The following GRHL1 variants were observed in gnomAD, a reference collection of about 807,000 sequenced individuals.
GRHL1 encodes grainyhead like transcription factor 1, also known as grainyhead-like protein 1 homolog.
In GRHL1, 38 loss-of-function variants were observed where a neutral mutation model predicts 75.7. The observed-to-expected ratio is 0.50, with a 90% confidence interval of 0.39 to 0.66. GRHL1 has a LOEUF of 0.66. Among genes scored for constraint, GRHL1 ranks in the 30% least tolerant of loss-of-function variants. The pLI is 0.00. For missense variants in GRHL1, 589 were observed against 767.5 expected (o/e 0.77, Z 2.75); for synonymous variants, 266 against 279.4 (o/e 0.95, Z 0.48).
intron 8 of GRHL1, among the ~76,000 whole-genome samples, chr2:9,976,476 A>G (rs1271231829): frequency 6.6e-6 from 1 of 152,064 alleles, no homozygotes; most frequent in Non-Finnish European, 1.5e-5. Flanking sequence ...TCTGTGGACC[A>G]AGGGTCTTGG....
chr2:9,965,200 A>G (rs574290821), intron 7 of GRHL1, 87 bp from the exon 8 acceptor site: 1 of 718,202 alleles, frequency 1.4e-6, no homozygotes, highest in South Asian at 1.6e-5. Flanking sequence ...ATAATGCTAA[A>G]AACTAGATCT....
intron 12 of GRHL1, 75 bp from the exon 13 acceptor site, chr2:9,995,804 C>A: frequency 1.3e-6 from 1 of 791,316 alleles, no homozygotes; most frequent in Non-Finnish European, 2.2e-6. Flanking sequence ...AGTTCCATGA[C>A]AGGCTCTAAA....
intron 6 of GRHL1, 93 bp downstream of exon 6, chr2:9,964,135 G>A: frequency 7.4e-7 from 1 of 1,345,556 alleles, no homozygotes; most frequent in Non-Finnish European, 1.0e-6. Context: ...GCCTGAAATT[G>A]CAGCTTTAAG....
At position 9,953,230 on chromosome 2, in the gene GRHL1, G is replaced by A. The variant is rs561760786; in HGVS notation, c.20+1377G>A. Among the ~76,000 whole-genome samples the A allele has an allele frequency of 3.3e-5, 5 of 152,340 alleles. No individual in the cohort carries two copies. In the South Asian group the frequency reaches 1.0e-3, roughly 32 times the overall value. On this transcript the variant is annotated intron_variant, in intron 1 of 15. Transcript: ENST00000324907. Reference sequence around the variant, plus strand: ...CTTGTACAAATTTGGGATGTGGGTGGGAGAAGAAGGGAAGTTGAAAACTAG... The same window carrying A: ...CTTGTACAAATTTGGGATGTGGGTGAGAGAAGAAGGGAAGTTGAAAACTAG...
intron 2 of GRHL1, among the ~76,000 whole-genome samples, chr2:9,955,441 C>T (rs188788578): frequency 1.4e-4 from 21 of 152,248 alleles, no homozygotes; most frequent in African/African-American, 5.1e-4. Flanking sequence ...GGTCATTTAC[C>T]TTTTCACCTT....
At chr2:9,978,471 G>A (rs1668046428) in intron 8 of GRHL1, among the ~76,000 whole-genome samples, 1 of 152,188 alleles carries the variant, frequency 6.6e-6, no homozygotes, top group South Asian at 2.1e-4. Flanking sequence ...TGCCTGTAAA[G>A]GAGATGTGAA....
intron 9 of GRHL1, 126 bp downstream of exon 9, chr2:9,986,408 AT>A: frequency 2.2e-6 from 1 of 449,504 alleles, no homozygotes; most frequent in Non-Finnish European, 3.7e-6. Flanking sequence ...TTTTAAAATT[AT>A]TTTTATTTAT....
At chr2:9,972,461 G>A (rs1558301135) in intron 8 of GRHL1, among the ~76,000 whole-genome samples, 3 of 152,094 alleles carry the variant, frequency 2.0e-5, no homozygotes, top group Admixed American at 6.5e-5. Flanking sequence ...ATTTCAAGGC[G>A]GCATGGGGGC....
intron 8 of GRHL1, among the ~76,000 whole-genome samples, chr2:9,983,787 TTTA>T (rs1668300632): frequency 6.9e-6 from 1 of 144,252 alleles, no homozygotes; most frequent in Admixed American, 6.7e-5. Context: ...TTTTTTTTTT[TTTA>T]AACCTGAATG....
intron 8 of GRHL1, among the ~76,000 whole-genome samples, chr2:9,970,702 G>C (rs954819378): frequency 6.6e-6 from 1 of 152,210 alleles, no homozygotes; most frequent in African/African-American, 2.4e-5. Flanking sequence ...CAAAATCAGA[G>C]CGCCTTGTTC....
rs1486540497 is a variant in GRHL1, at chr2:10,000,608, G to A, written c.1758G>A (p.Met586Ile). 3 of 1,610,614 alleles carry A rather than the reference G, an allele frequency of 1.9e-6. No homozygotes were observed. In the South Asian group the frequency reaches 3.3e-5, roughly 18 times the overall value. Residue 586 changes from methionine to isoleucine, a missense_variant, in exon 16 of 16, where the codon ATG becomes ATA. Met to Ile is a conservative substitution (Grantham distance 10, BLOSUM62 1). Transcript: ENST00000324907. ...CCCCATCCAGGATCCTGGTGAACAT[G>A]GACGACAACATTGTGAAGCATTACT... ...KKCKKGILVN[M>I]DDNIVKHYSN...
chr2:9,974,583 G>A (rs1481355557), intron 8 of GRHL1, among the ~76,000 whole-genome samples: 1 of 152,200 alleles, frequency 6.6e-6, no homozygotes, highest in Non-Finnish European at 1.5e-5. Context: ...CCAGAAGCCT[G>A]CTGTGGATCA....
intron 1 of GRHL1, among the ~76,000 whole-genome samples, chr2:9,952,107 CCTCCTCCG>C (rs149940396): frequency 0.25 from 38,506 of 151,612 alleles, 5,497 homozygotes; most frequent in African/African-American, 0.39. Context: ...ACCCTCCTCC[CCTCCTCCG>C]CGGCCAGGTT....
At chr2:9,959,366 G>A (rs1667169531) in intron 3 of GRHL1, 1 of 152,466 alleles carries the variant, frequency 6.6e-6, no homozygotes, top group African/African-American at 2.4e-5. Context: ...AAATTGTCTT[G>A]TGTTTTATTA....
chr2:9,977,090 CT>C (rs1667978979), intron 8 of GRHL1, among the ~76,000 whole-genome samples: 1 of 152,194 alleles, frequency 6.6e-6, no homozygotes, highest in Non-Finnish European at 1.5e-5. Flanking sequence ...GGGTCCTCTA[CT>C]AGAGGTTGGA....
chr2:9,996,538 G>A (rs1052816874), intron 14 of GRHL1, 137 bp downstream of exon 14: 10 of 660,990 alleles, frequency 1.5e-5, no homozygotes, highest in African/African-American at 7.1e-5. Context: ...TCGAGTCGTC[G>A]TGCGTCCCAC....
intron 2 of GRHL1, among the ~76,000 whole-genome samples, chr2:9,957,350 A>T (rs1418392799): frequency 6.6e-6 from 1 of 151,628 alleles, no homozygotes; most frequent in African/African-American, 2.4e-5. Flanking sequence ...TATAAGCATC[A>T]GTCATTATTA....
chr2:9,969,200 A>T (rs1174048621), intron 8 of GRHL1, among the ~76,000 whole-genome samples: 1 of 152,234 alleles, frequency 6.6e-6, no homozygotes, highest in Non-Finnish European at 1.5e-5. Flanking sequence ...AAGCCTGAAG[A>T]TCTAAAATAA....
chr2:9,956,258 T>A (rs1184227027), intron 2 of GRHL1, among the ~76,000 whole-genome samples: 2 of 152,146 alleles, frequency 1.3e-5, no homozygotes, highest in Non-Finnish European at 2.9e-5. Context: ...ATACAAGAAA[T>A]ACAGAGGTGA....
Sources: gnomAD v4.1 joint callset for allele counts (sites outside exome capture counted in the v4.1 genomes callset) on GRCh38, gnomAD v4.1.1 for gene constraint, MANE v1.5 for transcripts, NCBI Gene and HGNC (gene_info 2026-07-23, HGNC 2026-07-21) for gene names.